Variants in GPC5 observed in about 807,000 individuals in gnomAD.
GPC5 encodes the protein glypican 5, also known as glypican-5.
A neutral mutation model predicts 53.9 loss-of-function variants in GPC5; 47 were observed. The observed-to-expected ratio is 0.87, with a 90% CI of 0.69 to 1.11. The LOEUF is 1.11. Ranked by LOEUF, GPC5 falls within the 50% of genes most tolerant of loss-of-function variation. The pLI is 0.00. For missense variants in GPC5, 748 were observed against 713.1 expected (o/e 1.05, Z -0.56); for synonymous variants, 286 against 263.3 (o/e 1.09, Z -0.84).
chr13:91,580,039 T>C lies in GPC5; in HGVS notation c.326-113148T>C, dbSNP rs113222297. Among the ~76,000 whole-genome samples, 15 of 152,172 alleles carry C rather than the reference T, an allele frequency of 9.9e-5. 1 individual carries two copies. Among genetic ancestry groups the C allele is most frequent in the African/African-American group, 3.4e-4 (14 of 41,516 alleles). Reference sequence around the variant, plus strand: ...ATATTTCACAGAACACATTTTATTATAATTAATCTCAATACTTAAGGTGCA... The same window carrying C: ...ATATTTCACAGAACACATTTTATTACAATTAATCTCAATACTTAAGGTGCA... On this transcript the variant is annotated intron_variant, in intron 2 of 7. Coordinates refer to ENST00000377067, the MANE Select transcript of GPC5 (RefSeq NM_004466.6).
intron 7 of GPC5, among the ~76,000 whole-genome samples, chr13:92,779,757 G>A (rs1421534027): frequency 1.3e-5 from 2 of 152,070 alleles, no homozygotes; most frequent in Admixed American, 6.6e-5. Context: ...ACATTCAAAG[G>A]TTAATTTATC....
intron 2 of GPC5, among the ~76,000 whole-genome samples, chr13:91,520,138 T>C (rs1885724343): frequency 6.6e-6 from 1 of 152,160 alleles, no homozygotes; most frequent in African/African-American, 2.4e-5. Flanking sequence ...GTCCCTTGGC[T>C]TACAGAGATC....
intron 5 of GPC5, among the ~76,000 whole-genome samples, chr13:91,776,683 T>C (rs1429189167): frequency 6.6e-6 from 1 of 152,216 alleles, no homozygotes; most frequent in Non-Finnish European, 1.5e-5. Context: ...CAGTCCCTAA[T>C]AAATTACCTG....
At chr13:91,773,336 T>C (rs2037658234) in intron 5 of GPC5, among the ~76,000 whole-genome samples, 1 of 152,002 alleles carries the variant, frequency 6.6e-6, no homozygotes, top group African/African-American at 2.4e-5. Context: ...ATATAGAGAG[T>C]TTTGCATAAT....
intron 2 of GPC5, among the ~76,000 whole-genome samples, chr13:91,575,196 A>G (rs371695516): frequency 1.6e-3 from 242 of 152,258 alleles, no homozygotes; most frequent in African/African-American, 5.7e-3. Context: ...ATTTTACTAC[A>G]TTGAATTTGT....
chr13:92,414,078 G>C (rs78907955), intron 7 of GPC5, among the ~76,000 whole-genome samples: 1,824 of 152,248 alleles, frequency 0.012, 35 homozygotes, highest in African/African-American at 0.041. Flanking sequence ...TATTTCTTGA[G>C]TGCTTTTTAT....
chr13:91,931,474 A>C lies in GPC5; in HGVS notation c.1401+23417A>C, dbSNP rs73628737. Among the ~76,000 whole-genome samples, 600 of 152,156 alleles carry C rather than the reference A, an allele frequency of 3.9e-3. 5 individuals are homozygous for C. Among genetic ancestry groups the C allele is most frequent in the African/African-American group, 0.014 (568 of 41,550 alleles). The stretch of plus-strand genomic sequence containing the variant: ...CATTTTTCATCAGCACAATTTACAC[A>C]GAAGCCCAACGTCAGACATCCTTGT... On this transcript the variant is annotated intron_variant, in intron 6 of 7. Coordinates refer to ENST00000377067, the MANE Select transcript of GPC5 (RefSeq NM_004466.6).
At chr13:92,136,655 T>C (rs1196093721) in intron 6 of GPC5, among the ~76,000 whole-genome samples, 2 of 152,238 alleles carry the variant, frequency 1.3e-5, no homozygotes, top group Non-Finnish European at 2.9e-5. Flanking sequence ...AATGGAGATG[T>C]ATCATTATGT....
At chr13:92,449,385 A>G (rs1877965323) in intron 7 of GPC5, among the ~76,000 whole-genome samples, 1 of 152,166 alleles carries the variant, frequency 6.6e-6, no homozygotes, top group Non-Finnish European at 1.5e-5. Flanking sequence ...CACATGGAGT[A>G]ATTAAACCGC....
intron 7 of GPC5, among the ~76,000 whole-genome samples, chr13:92,738,703 C>G (rs1247909331): frequency 6.6e-6 from 1 of 152,104 alleles, no homozygotes; most frequent in Non-Finnish European, 1.5e-5. Flanking sequence ...GTTATTCTGT[C>G]TCTCAGACCA....
At chr13:92,492,623 T>C (rs1879810289) in intron 7 of GPC5, among the ~76,000 whole-genome samples, 1 of 152,160 alleles carries the variant, frequency 6.6e-6, no homozygotes, top group Non-Finnish European at 1.5e-5. Flanking sequence ...TCCTGGTAAA[T>C]ATGTAATCAA....
rs116913152 is a variant in GPC5, at chr13:92,021,604, A to G, written c.1401+113547A>G. On this transcript the variant is annotated intron_variant, in intron 6 of 7. Coordinates refer to ENST00000377067, the MANE Select transcript of GPC5 (RefSeq NM_004466.6). Reference sequence around the variant, plus strand: ...GCGTTGTCCACTTAAACTTTTGTTAAGAGGCTAGATCATATTAAGTGTTCT... The same window carrying G: ...GCGTTGTCCACTTAAACTTTTGTTAGGAGGCTAGATCATATTAAGTGTTCT... Among the ~76,000 whole-genome samples the G allele has an allele frequency of 5.1e-3, 782 of 152,370 alleles. 4 individuals are homozygous for G. Among genetic ancestry groups the G allele is most frequent in the Non-Finnish European group, 8.2e-3 (557 of 68,036 alleles).
intron 1 of GPC5, among the ~76,000 whole-genome samples, chr13:91,443,808 T>C (rs927184624): frequency 5.3e-5 from 8 of 152,216 alleles, no homozygotes; most frequent in Non-Finnish European, 1.0e-4. Flanking sequence ...TTGGTACTTA[T>C]AATTCAAATT....
At chr13:91,659,528 G>A (rs1050392409) in intron 2 of GPC5, among the ~76,000 whole-genome samples, 2 of 152,100 alleles carry the variant, frequency 1.3e-5, no homozygotes, top group Non-Finnish European at 2.9e-5. Context: ...AATATTCAAG[G>A]ATATTTATTA....
chr13:92,727,182 CG>C, intron 7 of GPC5, among the ~76,000 whole-genome samples: 1 of 151,434 alleles, frequency 6.6e-6, no homozygotes, highest in Non-Finnish European at 1.5e-5. Context: ...TAATGTAGCT[CG>C]GGGTGCTATA....
intron 2 of GPC5, among the ~76,000 whole-genome samples, chr13:91,687,284 G>A (rs1422936022): frequency 6.6e-6 from 1 of 151,710 alleles, no homozygotes. Context: ...ATTTTAAATC[G>A]ATATCACTCA....
chr13:92,462,830 C>A (rs1296635372), intron 7 of GPC5, among the ~76,000 whole-genome samples: 2 of 151,558 alleles, frequency 1.3e-5, no homozygotes, highest in Non-Finnish European at 2.9e-5. Context: ...GATTCTCCTG[C>A]CTCAGCCTCC....
intron 5 of GPC5, among the ~76,000 whole-genome samples, chr13:91,857,265 G>A (rs1054059584): frequency 1.3e-5 from 2 of 151,090 alleles, no homozygotes; most frequent in African/African-American, 4.8e-5. Context: ...CAACTTATCA[G>A]TTTCTTCAAA....
At chr13:92,725,624 A>C (rs970275711) in intron 7 of GPC5, among the ~76,000 whole-genome samples, 3 of 151,590 alleles carry the variant, frequency 2.0e-5, no homozygotes, top group Non-Finnish European at 4.4e-5. Context: ...TCCAAAATGC[A>C]ACTATATAAA....
Sources: allele counts gnomAD v4.1 joint callset (sites outside exome capture counted in the v4.1 genomes callset), GRCh38; gene constraint gnomAD v4.1.1; transcripts MANE v1.5; gene names NCBI Gene and HGNC (gene_info 2026-07-23, HGNC 2026-07-21).